The following FBXO33 variants were observed in gnomAD, a reference collection of about 807,000 sequenced individuals.
FBXO33 encodes F-box protein 33, also known as F-box only protein 33.
A neutral mutation model predicts 46.3 loss-of-function variants in FBXO33; 22 were observed. The observed-to-expected ratio is 0.48, with a 90% CI of 0.34 to 0.68. FBXO33 has a LOEUF of 0.68. FBXO33 is among the 30% of genes least tolerant of loss of function. The probability of loss-of-function intolerance (pLI) is 0.01; values close to 1 mark genes in which losing one functional copy is unlikely to be tolerated. For missense variants in FBXO33, 692 were observed against 708.8 expected, an observed-to-expected ratio of 0.98 and a Z score of 0.27; for synonymous variants, 337 against 291.3, an observed-to-expected ratio of 1.16 and a Z score of -1.60.
chr14:39,404,732 C>A (rs150329170), intron 1 of FBXO33, among the ~76,000 whole-genome samples: 1 of 151,996 alleles, frequency 6.6e-6, no homozygotes. Context: ...GAGATCAAAG[C>A]GAGCTGAAAA....
intron 1 of FBXO33, among the ~76,000 whole-genome samples, chr14:39,405,615 A>ATTTCCT (rs2075392625): frequency 6.6e-6 from 1 of 152,154 alleles, no homozygotes; most frequent in Non-Finnish European, 1.5e-5. Flanking sequence ...TAAATTAGGA[A>ATTTCCT]GTGATACATT....
At chr14:39,407,656 A>C (rs1398328594) in intron 1 of FBXO33, among the ~76,000 whole-genome samples, 1 of 152,160 alleles carries the variant, frequency 6.6e-6, no homozygotes, top group East Asian at 1.9e-4. Flanking sequence ...GCTTAATATT[A>C]TTCCATTGCA....
Position 39,432,045 on chromosome 14 carries a change from CCCGCAGCCGTCGCAGCTGCTGCAG to C in FBXO33, c.94_117del (p.Leu32_Arg39del), listed in dbSNP as rs988576511. On this transcript the variant is annotated inframe_deletion, in exon 1 of 4. Transcript: ENST00000298097. ...CGCCCCCGCAGTACCCGGAGCAGCC[CCCGCAGCCGTCGCAGCTGCTGCAG>C]CCGCAGCCGCCGCCACCGCGCCACC... is the stretch of plus-strand genomic sequence containing the variant. 25 of 1,292,278 alleles carry C rather than the reference CCCGCAGCCGTCGCAGCTGCTGCAG, an allele frequency of 1.9e-5. No individual in the cohort carries two copies. The highest frequency in any genetic ancestry group is 2.4e-5 in the Non-Finnish European group (25 of 1,023,982). The allele number at this position is 1,292,278 out of a possible 1,614,324, so 80.1% of individuals were successfully genotyped here.
At chr14:39,431,490 C>T (rs1327629851) in intron 1 of FBXO33, 74 bp downstream of exon 1, 2 of 1,593,686 alleles carry the variant, frequency 1.3e-6, no homozygotes, top group Admixed American at 1.7e-5. Context: ...GTATTATGCA[C>T]AGAATCTGTG....
In FBXO33 at chr14:39,398,227, C is replaced by CACTT. The variant is rs1272913341; in HGVS notation, c.*1285_*1288dup. On this transcript the variant is annotated 3_prime_UTR_variant, in exon 4 of 4. Transcript: ENST00000298097. ...AACATTAAATGCACAACATTCGTAC[C>CACTT]ACTTAAAACTGGGGTCAGGTGGAAG... 2 of 152,600 alleles carry CACTT rather than the reference C, an allele frequency of 1.3e-5. No individual in the cohort carries two copies. The highest frequency in any genetic ancestry group is 4.8e-5 in the African/African-American group (2 of 41,438). The allele number at this position is 152,600 out of a possible 1,614,324, so 9.5% of individuals were successfully genotyped here. A position where few individuals can be genotyped will look rare whatever the true frequency, so the allele number is the denominator to read the frequency against.
Position 39,431,865 on chromosome 14 carries a change from C to G in FBXO33, c.298G>C (p.Glu100Gln), listed in dbSNP as rs575062711. The G allele has an allele frequency of 6.3e-7, 1 of 1,585,126 alleles. No individual in the cohort carries two copies. The highest frequency in any genetic ancestry group is 1.8e-5 in the Admixed American group (1 of 56,364). The change falls in exon 1 of 4, where the codon GAG (glutamate) becomes CAG (glutamine). Residue 100 changes from glutamate to glutamine, a missense_variant. Physicochemically the swap from Glu to Gln is conservative, Grantham distance 29 (BLOSUM62 2). Coordinates refer to ENST00000298097, the MANE Select transcript of FBXO33 (RefSeq NM_203301.4). ...CACAGGGCCGGATAGAAGAGGCACT[C>G]ACGCCAGTGCGAGCAGGAGGCCGAG... Reference protein sequence around the residue: ...RASASCSHWRECLFYPALWPQ... With the variant: ...RASASCSHWRQCLFYPALWPQ...
At position 39,420,416 on chromosome 14, in the gene FBXO33, GC is replaced by G. The variant is rs199920303; in HGVS notation, c.599+11147del. Reference sequence around the variant, plus strand: ...TCAGTGCAGAAGAAAGCGGCTGGGCGCCGGTGGCTCACGCCTGTAATCTCAG... The same window carrying G: ...TCAGTGCAGAAGAAAGCGGCTGGGCGCGGTGGCTCACGCCTGTAATCTCAG... On this transcript the variant is annotated intron_variant, in intron 1 of 3. Coordinates refer to ENST00000298097, the MANE Select transcript of FBXO33 (RefSeq NM_203301.4). Among the ~76,000 whole-genome samples the G allele has an allele frequency of 2.2e-3, 329 of 152,260 alleles. 2 individuals carry two copies. In the East Asian group the frequency reaches 0.042, roughly 19 times the overall value.
intron 1 of FBXO33, among the ~76,000 whole-genome samples, chr14:39,425,559 A>G (rs2139420188): frequency 1.3e-5 from 2 of 152,322 alleles, no homozygotes; most frequent in East Asian, 3.9e-4. Flanking sequence ...CATTGCATGA[A>G]ATTCTCTTGG....
At chr14:39,411,929 C>A (rs1435678054) in intron 1 of FBXO33, among the ~76,000 whole-genome samples, 1 of 152,158 alleles carries the variant, frequency 6.6e-6, no homozygotes, top group Non-Finnish European at 1.5e-5. Flanking sequence ...AGATATCTGA[C>A]ATGATTTCAA....
intron 1 of FBXO33, among the ~76,000 whole-genome samples, chr14:39,408,723 G>T (rs529039218): frequency 1.3e-5 from 2 of 150,864 alleles, no homozygotes; most frequent in South Asian, 4.2e-4. Context: ...TGGCCAGGCT[G>T]GTCTTGAACT....
At chr14:39,428,086 A>G (rs937173788) in intron 1 of FBXO33, among the ~76,000 whole-genome samples, 2 of 152,272 alleles carry the variant, frequency 1.3e-5, no homozygotes, top group East Asian at 3.8e-4. Context: ...AGGATATATA[A>G]GCAGACACAG....
chr14:39,412,671 T>C (rs931237420), intron 1 of FBXO33, among the ~76,000 whole-genome samples: 1 of 152,252 alleles, frequency 6.6e-6, no homozygotes, highest in Non-Finnish European at 1.5e-5. Flanking sequence ...TATTTATCTT[T>C]TGTGTATCTA....
rs1279359216 is a variant in FBXO33 at position 39,398,618 on chromosome 14, G to C, written c.*898C>G. 6.6e-6 allele frequency: 1 copy of C among 152,558 alleles called. No individual in the cohort carries two copies. Among genetic ancestry groups the C allele is most frequent in the Non-Finnish European group, 1.5e-5 (1 of 68,024 alleles). 9.5% of individuals were successfully genotyped at this position (152,558 alleles called of 1,614,324 possible). On this transcript the variant is annotated 3_prime_UTR_variant, in exon 4 of 4. Coordinates refer to ENST00000298097, the MANE Select transcript of FBXO33 (RefSeq NM_203301.4). ...AGTGGGCCGGCCCCTGCCAGCATGT[G>C]GGCACTTCTTCATTAAGTCTATTCT... is the stretch of plus-strand genomic sequence containing the variant.
In FBXO33 at chr14:39,399,519, A is replaced by T. The variant is rs767646431; in HGVS notation, c.1665T>A (p.Ile555=). 69 of 1,606,802 alleles carry T rather than the reference A, an allele frequency of 4.3e-5. No homozygotes were observed. The highest frequency in any genetic ancestry group is 1.7e-4 in the Middle Eastern group (1 of 6,048). ...GGAATTCTACATTAAAAAAAAGCTAAATGTCTTCACTGAAGCTTTGCATCT... is the reference window on the plus strand; with the variant it reads ...GGAATTCTACATTAAAAAAAAGCTATATGTCTTCACTGAAGCTTTGCATCT... ...YREMQSFSED[I] Residue 555 remains isoleucine, a synonymous_variant, in exon 4 of 4, where the codon ATT becomes ATA. Coordinates refer to ENST00000298097, the MANE Select transcript of FBXO33 (RefSeq NM_203301.4).
In FBXO33 at chr14:39,432,237, G is replaced by T. The variant is rs1042299601; in HGVS notation, c.-75C>A. ...AAGTAGAACACAAGTTGTGGAGAGG[G>T]GGAAAGGCCTCTGCGGGCGTGGCCT... On this transcript the variant is annotated 5_prime_UTR_variant, in exon 1 of 4. Transcript: ENST00000298097. 2 of 1,128,392 alleles carry T rather than the reference G, an allele frequency of 1.8e-6. No homozygotes were observed. The highest frequency in any genetic ancestry group is 1.1e-6 in the Non-Finnish European group (1 of 910,400). The allele number at this position is 1,128,392 out of a possible 1,614,324, so 69.9% of individuals were successfully genotyped here. A position where few individuals can be genotyped will look rare whatever the true frequency, so the allele number is the denominator to read the frequency against.
At chr14:39,430,899 C>T (rs1162181038) in intron 1 of FBXO33, among the ~76,000 whole-genome samples, 2 of 152,120 alleles carry the variant, frequency 1.3e-5, no homozygotes, top group East Asian at 1.9e-4. Flanking sequence ...AACTCCCTCG[C>T]TGCCCGCCCG....
At chr14:39,400,616 C>A (rs141986822) in intron 3 of FBXO33, among the ~76,000 whole-genome samples, 1,572 of 152,164 alleles carry the variant, frequency 0.01, 77 homozygotes, top group Admixed American at 0.087. Context: ...TTAAGACATT[C>A]TTATAGACTA....
chr14:39,411,205 C>A (rs1415300316), intron 1 of FBXO33, among the ~76,000 whole-genome samples: 1 of 151,766 alleles, frequency 6.6e-6, no homozygotes, highest in Non-Finnish European at 1.5e-5. Context: ...AAGCGATTCT[C>A]CCGCCTCAGC....
intron 1 of FBXO33, among the ~76,000 whole-genome samples, chr14:39,407,762 G>T (rs2075405611): frequency 6.6e-6 from 1 of 152,152 alleles, no homozygotes; most frequent in Admixed American, 6.6e-5. Flanking sequence ...GAACATGGGT[G>T]TGCAGATATC....
Sources: allele counts gnomAD v4.1 joint callset (sites outside exome capture counted in the v4.1 genomes callset), GRCh38; gene constraint gnomAD v4.1.1; transcripts MANE v1.5; gene names NCBI Gene and HGNC (gene_info 2026-07-23, HGNC 2026-07-21).